SPTLC2: variants seen among roughly 807,000 people sequenced by gnomAD.
SPTLC2 encodes the protein serine palmitoyltransferase long chain base subunit 2, also known as serine palmitoyltransferase 2.
A neutral mutation model predicts 62.0 loss-of-function variants in SPTLC2; 21 were observed. The ratio of observed to expected loss-of-function variants is 0.34; its 90% confidence interval spans 0.24 to 0.49. The LOEUF is 0.49. SPTLC2 is among the 20% of genes least tolerant of loss of function. The pLI is 0.99. For missense variants in SPTLC2, 511 were observed against 713.0 expected (o/e 0.72, Z 3.23); for synonymous variants, 261 against 261.8 (o/e 1.00, Z 0.03).
At chr14:77,542,306 T>C (rs2079505621) in intron 9 of SPTLC2, among the ~76,000 whole-genome samples, 1 of 151,942 alleles carries the variant, frequency 6.6e-6, no homozygotes, top group Non-Finnish European at 1.5e-5. Context: ...ATAAAAGAAA[T>C]ATTAGCTAAC....
chr14:77,526,692 G>A (rs1436551902), intron 9 of SPTLC2, among the ~76,000 whole-genome samples: 2 of 152,074 alleles, frequency 1.3e-5, no homozygotes, highest in Non-Finnish European at 1.5e-5. Context: ...AACTTTAACA[G>A]GTCATTTTTA....
chr14:77,534,823 C>A (rs546411979), intron 9 of SPTLC2, among the ~76,000 whole-genome samples: 6 of 152,218 alleles, frequency 3.9e-5, no homozygotes, highest in African/African-American at 1.4e-4. Flanking sequence ...ACAGACAAAA[C>A]TCCTGCCTTT....
chr14:77,556,933 T>C, intron 7 of SPTLC2, 108 bp downstream of exon 7: 3 of 860,608 alleles, frequency 3.5e-6, no homozygotes, highest in Admixed American at 2.0e-5. Flanking sequence ...TTATAAACAC[T>C]GTCTCCTTAG....
intron 2 of SPTLC2, among the ~76,000 whole-genome samples, chr14:77,594,227 GTT>G (rs1008306468): frequency 1.3e-5 from 2 of 152,146 alleles, no homozygotes; most frequent in African/African-American, 4.8e-5. Flanking sequence ...ACTTTCAAAT[GTT>G]TGTTTCCTCA....
intron 9 of SPTLC2, among the ~76,000 whole-genome samples, chr14:77,521,786 A>G (rs1270487398): frequency 6.6e-6 from 1 of 152,222 alleles, no homozygotes; most frequent in African/African-American, 2.4e-5. Context: ...ACCTGTTAAC[A>G]GCAGAAGTTA....
At chr14:77,540,156 A>G (rs988651196) in intron 9 of SPTLC2, among the ~76,000 whole-genome samples, 2 of 143,214 alleles carry the variant, frequency 1.4e-5, no homozygotes, top group Admixed American at 1.5e-4. Flanking sequence ...AGGTTGTGCC[A>G]TTGTACTCCA....
intron 11 of SPTLC2, among the ~76,000 whole-genome samples, chr14:77,513,878 A>G (rs974002439): frequency 7.1e-6 from 1 of 139,932 alleles, no homozygotes; most frequent in Admixed American, 7.7e-5. Context: ...CTGGGCAACA[A>G]GAGCAAAACT....
chr14:77,513,491 A>G (rs181116836), intron 11 of SPTLC2, among the ~76,000 whole-genome samples: 2 of 152,380 alleles, frequency 1.3e-5, no homozygotes, highest in African/African-American at 4.8e-5. Flanking sequence ...GAGAAGAGGT[A>G]TAAGTGAAAG....
At chr14:77,604,563 G>T (rs759691716) in intron 1 of SPTLC2, among the ~76,000 whole-genome samples, 1 of 152,032 alleles carries the variant, frequency 6.6e-6, no homozygotes, top group African/African-American at 2.4e-5. Context: ...AGGGCTTCAA[G>T]AAATTTTTAA....
At chr14:77,525,564 G>T (rs1286440498) in intron 9 of SPTLC2, among the ~76,000 whole-genome samples, 4 of 150,712 alleles carry the variant, frequency 2.7e-5, no homozygotes, top group Non-Finnish European at 5.9e-5. Flanking sequence ...ACTCTGCCCT[G>T]GGCAATAAGA....
At chr14:77,584,929 G>A (rs940778656) in intron 2 of SPTLC2, among the ~76,000 whole-genome samples, 2 of 152,234 alleles carry the variant, frequency 1.3e-5, no homozygotes, top group Non-Finnish European at 2.9e-5. Context: ...CAGGGGCCAC[G>A]CTTTGCACCA....
In SPTLC2 at chr14:77,509,625, G is replaced by T. The variant is rs376375161; in HGVS notation, c.*2659C>A. The T allele has an allele frequency of 5.9e-6, 2 of 341,014 alleles. No individual in the cohort carries two copies. The highest frequency in any genetic ancestry group is 9.5e-5 in the Admixed American group (2 of 20,956). The allele number at this position is 341,014 out of a possible 1,614,324, so 21.1% of individuals were successfully genotyped here. On this transcript the variant is annotated 3_prime_UTR_variant, in exon 12 of 12. Coordinates refer to ENST00000216484, the MANE Select transcript of SPTLC2 (RefSeq NM_004863.4). ...AAACTACTCTTGTATGCCTCAAATC[G>T]ACTTATTCTCAATGACTGTATTTAT...
At chr14:77,563,664 G>A (rs2079627009) in intron 5 of SPTLC2, among the ~76,000 whole-genome samples, 1 of 152,110 alleles carries the variant, frequency 6.6e-6, no homozygotes, top group African/African-American at 2.4e-5. Context: ...GACCTCAGGT[G>A]ATCCACCCGC....
chr14:77,595,615 A>G (rs1483629692), intron 2 of SPTLC2, among the ~76,000 whole-genome samples: 1 of 152,208 alleles, frequency 6.6e-6, no homozygotes. Context: ...CCCAGGAGCC[A>G]CTTTTGAATC....
Position 77,545,706 on chromosome 14 carries a change from G to A in SPTLC2, c.1303+6390C>T, listed in dbSNP as rs2079524921. ...AAATAAAGCCCTCAGACATAATTCT[G>A]GGGGGAGAAAAGCAATTCCAATTAT... On this transcript the variant is annotated intron_variant, in intron 9 of 11. Transcript: ENST00000216484. Among the ~76,000 whole-genome samples the A allele has an allele frequency of 5.3e-5, 5 of 93,952 alleles. No homozygotes were observed. The South Asian group carries it at 2.1e-3, about 39-fold the overall frequency. 61.6% of individuals were successfully genotyped at this position (93,952 alleles called of 152,430 possible). A position where few individuals can be genotyped will look rare whatever the true frequency, so the allele number is the denominator to read the frequency against.
chr14:77,525,617 T>G (rs28534926), intron 9 of SPTLC2, among the ~76,000 whole-genome samples: 4 of 146,956 alleles, frequency 2.7e-5, no homozygotes, highest in Non-Finnish European at 6.0e-5. Context: ...ATTAAAAAAA[T>G]TTAAAAAGGA....
chr14:77,531,456 C>T (rs1413630719), intron 9 of SPTLC2, among the ~76,000 whole-genome samples: 2 of 123,436 alleles, frequency 1.6e-5, no homozygotes, highest in African/African-American at 7.3e-5. Context: ...CCTCCTTCTC[C>T]TCCTCCTCCT....
intron 11 of SPTLC2, among the ~76,000 whole-genome samples, chr14:77,516,510 A>T (rs2139992145): frequency 6.6e-6 from 1 of 152,326 alleles, no homozygotes; most frequent in Middle Eastern, 3.4e-3. Context: ...AAACATCAAT[A>T]GAGTAGGAAG....
Position 77,534,958 on chromosome 14 carries a change from G to A in SPTLC2, c.1304-13377C>T, listed in dbSNP as rs950023989. 4.6e-5 allele frequency among the ~76,000 whole-genome samples: 7 copies of A among 151,506 alleles called. No individual in the cohort carries two copies. The South Asian group carries it at 6.2e-4, about 13-fold the overall frequency. ...CTTTTTTTTTTTGAGATGGAGTTTC[G>A]CTCTTGTTGCCCAGGCGGAGTGCAA... is the stretch of plus-strand genomic sequence containing the variant. On this transcript the variant is annotated intron_variant, in intron 9 of 11. Transcript: ENST00000216484.
Sources: gnomAD v4.1 joint callset for allele counts (sites outside exome capture counted in the v4.1 genomes callset) on GRCh38, gnomAD v4.1.1 for gene constraint, MANE v1.5 for transcripts, NCBI Gene and HGNC (gene_info 2026-07-23, HGNC 2026-07-21) for gene names.